GRIK2: variants seen among roughly 807,000 people sequenced by gnomAD.
GRIK2 encodes glutamate receptor ionotropic, kainate 2.
GRIK2 carries 32 observed loss-of-function variants against 100.3 expected under a neutral mutation model. The ratio of observed to expected loss-of-function variants is 0.32; its 90% CI spans 0.24 to 0.43. The LOEUF is 0.43. GRIK2 is among the 20% of genes least tolerant of loss of function. GRIK2 has a pLI of 1.00. For synonymous variants in GRIK2, 417 were observed against 389.4 expected (o/e 1.07, Z -0.83); for missense variants, 843 against 1,114.9 (o/e 0.76, Z 3.47).
chr6:101,886,251 T>C (rs1286079328), intron 11 of GRIK2, among the ~76,000 whole-genome samples: 1 of 152,192 alleles, frequency 6.6e-6, no homozygotes, highest in Non-Finnish European at 1.5e-5. Flanking sequence ...GTTTCCCCCA[T>C]GCTTTTTCAT....
chr6:101,656,656 T>C (rs546493815), intron 4 of GRIK2, among the ~76,000 whole-genome samples: 6 of 152,162 alleles, frequency 3.9e-5, no homozygotes, highest in Non-Finnish European at 8.8e-5. Flanking sequence ...TGAATATCTA[T>C]GAAAAGTTGC....
intron 9 of GRIK2, among the ~76,000 whole-genome samples, chr6:101,810,711 G>A (rs901280525): frequency 6.6e-6 from 1 of 151,820 alleles, no homozygotes; most frequent in African/African-American, 2.4e-5. Flanking sequence ...ATTAAACTTC[G>A]GTGTCAAGGG....
At chr6:101,805,745 A>G (rs1406792728) in intron 9 of GRIK2, among the ~76,000 whole-genome samples, 2 of 152,174 alleles carry the variant, frequency 1.3e-5, no homozygotes, top group Non-Finnish European at 1.5e-5. Context: ...AAAGAAGGTC[A>G]TTTTGTTTTT....
intron 4 of GRIK2, among the ~76,000 whole-genome samples, chr6:101,640,312 A>G (rs1288302122): frequency 1.3e-5 from 2 of 152,122 alleles, no homozygotes; most frequent in Non-Finnish European, 2.9e-5. Flanking sequence ...TAAACCTCAA[A>G]AAGTTGCAGT....
chr6:101,970,941 T>G (rs2128485796), intron 14 of GRIK2, among the ~76,000 whole-genome samples: 1 of 150,950 alleles, frequency 6.6e-6, no homozygotes, highest in South Asian at 2.1e-4. Flanking sequence ...TCTTCTGTTT[T>G]TATAAGGGCA....
chr6:102,037,336 G>T (rs1233289874), intron 15 of GRIK2, among the ~76,000 whole-genome samples: 2 of 151,154 alleles, frequency 1.3e-5, no homozygotes, highest in Admixed American at 6.6e-5. Flanking sequence ...ACTTATTAAA[G>T]AATTAAATAT....
chr6:101,526,926 C>A (rs1428985510), intron 2 of GRIK2, among the ~76,000 whole-genome samples: 1 of 152,164 alleles, frequency 6.6e-6, no homozygotes, highest in South Asian at 2.1e-4. Flanking sequence ...TCAGAGGAGG[C>A]AACACTTCTC....
intron 11 of GRIK2, among the ~76,000 whole-genome samples, chr6:101,874,783 T>C (rs1785696857): frequency 6.6e-6 from 1 of 152,122 alleles, no homozygotes; most frequent in Non-Finnish European, 1.5e-5. Flanking sequence ...TGGGAAGTGG[T>C]TTGTAGTTCT....
At chr6:101,447,429 T>G (rs968669312) in intron 2 of GRIK2, among the ~76,000 whole-genome samples, 1 of 151,716 alleles carries the variant, frequency 6.6e-6, no homozygotes, top group African/African-American at 2.4e-5. Context: ...TTTGCTTTCT[T>G]CATATATTTA....
intron 7 of GRIK2, among the ~76,000 whole-genome samples, chr6:101,797,875 C>G (rs1403634501): frequency 6.7e-6 from 1 of 148,990 alleles, no homozygotes; most frequent in Non-Finnish European, 1.5e-5. Context: ...GCTGGAAATG[C>G]AGTTCTGTAT....
intron 14 of GRIK2, among the ~76,000 whole-genome samples, chr6:102,008,700 A>T (rs2114302225): frequency 6.6e-6 from 1 of 152,246 alleles, no homozygotes; most frequent in Non-Finnish European, 1.5e-5. Flanking sequence ...TGATCGAAAT[A>T]ATTTTATGAT....
intron 2 of GRIK2, among the ~76,000 whole-genome samples, chr6:101,477,987 A>G (rs958429754): frequency 6.6e-6 from 1 of 152,196 alleles, no homozygotes; most frequent in Non-Finnish European, 1.5e-5. Flanking sequence ...TGTGCCAGAC[A>G]CTACATGAAA....
intron 7 of GRIK2, among the ~76,000 whole-genome samples, chr6:101,746,512 A>C (rs1043174905): frequency 2.6e-5 from 4 of 152,024 alleles, no homozygotes; most frequent in African/African-American, 9.7e-5. Flanking sequence ...TTTTTAGTAG[A>C]GGCAGGGTTT....
At chr6:101,422,971 G>A (rs1338164) in intron 2 of GRIK2, among the ~76,000 whole-genome samples, 4,012 of 152,216 alleles carry the variant, frequency 0.026, 113 homozygotes, top group South Asian at 0.14. Flanking sequence ...TAACACTTCA[G>A]TGTTCTCTCA....
At chr6:101,474,063 A>C (rs919105034) in intron 2 of GRIK2, among the ~76,000 whole-genome samples, 15 of 151,798 alleles carry the variant, frequency 9.9e-5, no homozygotes, top group Admixed American at 7.9e-4. Flanking sequence ...TGAATCCCAT[A>C]TTAATGCTCT....
chr6:101,403,820 A>T (rs1465703621), intron 2 of GRIK2, among the ~76,000 whole-genome samples: 1 of 152,310 alleles, frequency 6.6e-6, no homozygotes, highest in East Asian at 1.9e-4. Flanking sequence ...TCTGCAACAG[A>T]TAAAGCCTGA....
At chr6:101,837,835 T>A (rs1783233957) in intron 10 of GRIK2, among the ~76,000 whole-genome samples, 1 of 152,182 alleles carries the variant, frequency 6.6e-6, no homozygotes, top group Non-Finnish European at 1.5e-5. Context: ...TTGTACTGTC[T>A]CTGGTTAATC....
chr6:101,724,123 A>T (rs114136846), intron 7 of GRIK2, among the ~76,000 whole-genome samples: 1,929 of 151,448 alleles, frequency 0.013, 156 homozygotes, highest in African/African-American at 0.045. Context: ...TCACTTTTCA[A>T]AATACCTCAG....
At chr6:101,760,614 T>A (rs867479755) in intron 7 of GRIK2, among the ~76,000 whole-genome samples, 848 of 80,832 alleles carry the variant, frequency 0.01, 88 homozygotes, top group African/African-American at 0.035. Context: ...ATAATTATAT[T>A]TAATTATATG....
Sources: gnomAD v4.1 joint callset for allele counts (sites outside exome capture counted in the v4.1 genomes callset) on GRCh38, gnomAD v4.1.1 for gene constraint, MANE v1.5 for transcripts, NCBI Gene and HGNC (gene_info 2026-07-23, HGNC 2026-07-21) for gene names.